REDIC1: variants seen among roughly 807,000 people sequenced by gnomAD.
REDIC1 encodes the protein HEI10 Interacting Protein 1.
At chr12:39,659,080 C>A in the REDIC1 span, among the ~76,000 whole-genome samples, 1 of 151,824 alleles carries the variant, frequency 6.6e-6, no homozygotes, top group Non-Finnish European at 1.5e-5. Flanking sequence ...TGTAGATCTG[C>A]TGGTGATTAA....
chr12:39,809,232 T>C, the REDIC1 span, among the ~76,000 whole-genome samples: 2 of 152,176 alleles, frequency 1.3e-5, no homozygotes, highest in African/African-American at 2.4e-5. Flanking sequence ...CATGCATATA[T>C]GGATCTATTT....
At chr12:39,842,120 A>G in the REDIC1 span, among the ~76,000 whole-genome samples, 2 of 152,220 alleles carry the variant, frequency 1.3e-5, no homozygotes, top group African/African-American at 4.8e-5. Flanking sequence ...GTTCCAACCT[A>G]AGGATGTTGA....
chr12:39,708,649 G>T, the REDIC1 span, among the ~76,000 whole-genome samples: 7 of 151,574 alleles, frequency 4.6e-5, no homozygotes, highest in African/African-American at 1.7e-4. Context: ...TTTTCCCTAG[G>T]TATTTGTGAT....
chr12:39,626,238 A>T, the REDIC1 span: 10 of 1,364,684 alleles, frequency 7.3e-6, no homozygotes, highest in African/African-American at 1.1e-4. Flanking sequence ...TGACGTTGTC[A>T]GGAGGCCCTG....
the REDIC1 span, among the ~76,000 whole-genome samples, chr12:39,714,614 C>T: frequency 6.6e-6 from 1 of 151,722 alleles, no homozygotes; most frequent in African/African-American, 2.4e-5. Flanking sequence ...GGTAGTTCTA[C>T]TTTTAGTTCT....
At chr12:39,707,949 A>T in the REDIC1 span, among the ~76,000 whole-genome samples, 57 of 151,954 alleles carry the variant, frequency 3.8e-4, 2 homozygotes, top group Non-Finnish European at 5.6e-4. Context: ...TATGGAATCT[A>T]AAATCAAAGC....
At chr12:39,803,522 T>C in the REDIC1 span, among the ~76,000 whole-genome samples, 1 of 152,132 alleles carries the variant, frequency 6.6e-6, no homozygotes, top group East Asian at 1.9e-4. Context: ...TTTAAAAAGA[T>C]ATAAAATGTA....
the REDIC1 span, among the ~76,000 whole-genome samples, chr12:39,872,254 T>C: frequency 2.0e-4 from 30 of 152,334 alleles, no homozygotes; most frequent in East Asian, 5.8e-3. Flanking sequence ...TGGCAGCTGG[T>C]AGTTTCACTA....
the REDIC1 span, among the ~76,000 whole-genome samples, chr12:39,810,148 T>C: frequency 6.6e-6 from 1 of 152,166 alleles, no homozygotes; most frequent in Admixed American, 6.5e-5. Context: ...AGAACCGACA[T>C]CTTAACCATA....
the REDIC1 span, among the ~76,000 whole-genome samples, chr12:39,841,077 T>G: frequency 6.6e-6 from 1 of 151,664 alleles, no homozygotes; most frequent in Non-Finnish European, 1.5e-5. Flanking sequence ...TGTAAAAGAG[T>G]CATATTTCTC....
At chr12:39,877,373 T>C in the REDIC1 span, among the ~76,000 whole-genome samples, 44,836 of 151,926 alleles carry the variant, frequency 0.3, 6,736 homozygotes, top group East Asian at 0.36. Flanking sequence ...GACTTACTCC[T>C]TATCACAAGA....
At chr12:39,889,770 T>G in the REDIC1 span, among the ~76,000 whole-genome samples, 1 of 152,232 alleles carries the variant, frequency 6.6e-6, no homozygotes, top group East Asian at 1.9e-4. Context: ...GACCTCGTGA[T>G]CTGCCCGCCT....
chr12:39,779,580 CTTT>C, the REDIC1 span, among the ~76,000 whole-genome samples: 2 of 152,132 alleles, frequency 1.3e-5, no homozygotes. Flanking sequence ...AATTAAAACA[CTTT>C]TTTTGCTTCC....
chr12:39,884,743 G>A, the REDIC1 span, among the ~76,000 whole-genome samples: 1 of 152,148 alleles, frequency 6.6e-6, no homozygotes, highest in African/African-American at 2.4e-5. Flanking sequence ...AGGCAGCGAT[G>A]AGCTCCACCT....
the REDIC1 span, chr12:39,626,476 T>A: frequency 7.6e-7 from 1 of 1,321,740 alleles, no homozygotes. Flanking sequence ...AAAGGGTCTT[T>A]TTATTGTTAT....
the REDIC1 span, among the ~76,000 whole-genome samples, chr12:39,715,231 A>AT: frequency 2.0e-5 from 3 of 151,834 alleles, no homozygotes; most frequent in African/African-American, 7.3e-5. Context: ...TCTTGAGTTG[A>AT]TTTTTTGTCT....
chr12:39,895,653 C>CACATATGTATATGCGTGTATACGTAA, the REDIC1 span, among the ~76,000 whole-genome samples: 10 of 77,466 alleles, frequency 1.3e-4, 4 homozygotes, highest in African/African-American at 3.9e-4. Context: ...TGTATACGTA[C>CACATATGTATATGCGTGTATACGTAA]ACACATATGT....
At chr12:39,896,175 T>TGC in the REDIC1 span, among the ~76,000 whole-genome samples, 4 of 148,724 alleles carry the variant, frequency 2.7e-5, no homozygotes, top group East Asian at 2.0e-4. Context: ...CATATATGAA[T>TGC]ATGTATATAT....
At chr12:39,654,216 T>G in the REDIC1 span, among the ~76,000 whole-genome samples, 52 of 151,396 alleles carry the variant, frequency 3.4e-4, no homozygotes, top group African/African-American at 1.1e-3. Context: ...TATGATGTTG[T>G]TTTTTTTTCC....
Sources: gnomAD v4.1 joint callset for allele counts (sites outside exome capture counted in the v4.1 genomes callset) on GRCh38, gnomAD v4.1.1 for gene constraint, MANE v1.5 for transcripts, NCBI Gene and HGNC (gene_info 2026-07-23, HGNC 2026-07-21) for gene names.